SLC2A11: variants seen among roughly 807,000 people sequenced by gnomAD.
The protein encoded by SLC2A11 is solute carrier family 2 member 11.
In SLC2A11, 43 loss-of-function variants were observed where a neutral mutation model predicts 52.1. That is an observed-to-expected ratio of 0.82 (90% CI 0.65 to 1.06). The LOEUF (loss-of-function observed/expected upper bound fraction) is 1.06, where lower values mean the gene tolerates loss of function less well. SLC2A11 is among the 50% of genes least tolerant of loss of function. The pLI, the probability that SLC2A11 is intolerant of heterozygous loss-of-function variation, is 0.00. For synonymous variants in SLC2A11, 261 were observed against 277.6 expected (o/e 0.94, Z 0.59); for missense variants, 582 against 654.2 (o/e 0.89, Z 1.20).
At chr22:23,873,533 C>T (rs145607359) in intron 3 of SLC2A11, among the ~76,000 whole-genome samples, 1,579 of 152,222 alleles carry the variant, frequency 0.01, 31 homozygotes, top group African/African-American at 0.036. Context: ...TGGTCTCGAA[C>T]TTCTGACCTC....
chr22:23,877,612 C>G, intron 5 of SLC2A11, 109 bp from the exon 6 acceptor site: 1 of 1,368,060 alleles, frequency 7.3e-7, no homozygotes, highest in South Asian at 1.3e-5. Flanking sequence ...GGAAGAGGCA[C>G]GGGGCAATTG....
At chr22:23,867,979 A>G (rs1484547541) in intron 2 of SLC2A11, 1 of 326,620 alleles carries the variant, frequency 3.1e-6, no homozygotes, top group Non-Finnish European at 6.2e-6. Flanking sequence ...AGGAATCCCC[A>G]ATTGATGGCC....
At position 23,877,089 on chromosome 22, in the gene SLC2A11, A is replaced by T; in HGVS notation, c.463A>T (p.Lys155Ter). The T allele has an allele frequency of 6.2e-7, 1 of 1,613,918 alleles. No individual in the cohort carries two copies. Among genetic ancestry groups the T allele is most frequent in the Middle Eastern group, 1.7e-4 (1 of 6,060 alleles). The part of the protein sequence containing the change: ...QPMYLGESAP[K>*]ELRGAVAMSS... ...CATGTACCTGGGGGAGAGCGCCCCT[A>T]AGGAGCTCCGAGGAGCTGTGGCCAT... The change falls in exon 5 of 12, where the codon AAG becomes TAG. Residue 155 changes from lysine (K) to a stop codon, truncating the protein, a stop_gained. Transcript: ENST00000316185. LOFTEE classifies it high-confidence loss of function.
intron 6 of SLC2A11, chr22:23,881,164 C>T (rs989337421): frequency 2.0e-5 from 3 of 151,474 alleles, no homozygotes; most frequent in Non-Finnish European, 2.9e-5. Context: ...TTAGCCTAAG[C>T]CTCTAAGTCC....
intron 6 of SLC2A11, chr22:23,881,322 G>GTC (rs34323650): frequency 0.53 from 80,067 of 151,232 alleles, 21,345 homozygotes; most frequent in South Asian, 0.57. Context: ...GGCTGTCCAT[G>GTC]TCTTGTCATC....
rs1012760872 is a variant in SLC2A11, at chr22:23,857,962, C to T, written c.-38C>T. 8.8e-6 allele frequency: 14 copies of T among 1,591,268 alleles called. No individual in the cohort carries two copies. Among genetic ancestry groups the T allele is most frequent in the Non-Finnish European group, 1.0e-5 (12 of 1,170,712 alleles). On this transcript the variant is annotated 5_prime_UTR_variant, in exon 1 of 12. Transcript: ENST00000316185. ...CTTGCTAATGGCAGCCGGGGTCTCC[C>T]TGGGACAGCAAGACCTCCGCTCAGG... is the stretch of plus-strand genomic sequence containing the variant.
intron 3 of SLC2A11, among the ~76,000 whole-genome samples, chr22:23,874,427 CA>C (rs1379519037): frequency 1.3e-5 from 2 of 151,680 alleles, no homozygotes; most frequent in Non-Finnish European, 2.9e-5. Flanking sequence ...GCTGAAATTA[CA>C]GGCGTGCGCC....
At position 23,883,840 on chromosome 22, in the gene SLC2A11, G is replaced by A. The variant is rs756565456; in HGVS notation, c.1062G>A (p.Trp354Ter). ...GTGGGTACAGCCTGATGACCTGCTG[G>A]GGGAGCATCTTCACTGTGGCCCTGT... Reference protein sequence around the residue: ...LIGGYSLMTCWGSIFTVALCL... With the variant: ...LIGGYSLMTC Residue 354 changes from tryptophan (W) to a stop codon, truncating the protein, a stop_gained, in exon 9 of 12, where the codon TGG becomes TGA. Coordinates refer to ENST00000316185, the MANE Select transcript of SLC2A11 (RefSeq NM_001024939.4). LOFTEE classifies it high-confidence loss of function. The A allele has an allele frequency of 6.3e-7, 1 of 1,590,178 alleles. No individual in the cohort carries two copies. The highest frequency in any genetic ancestry group is 1.4e-5 in the African/African-American group (1 of 73,454).
At chr22:23,857,566 G>A (rs375304139), upstream of SLC2A11, 54 of 1,565,992 alleles carry the variant, frequency 3.4e-5, 1 homozygote, top group African/African-American at 6.8e-4. Context: ...ACCCCGCGGC[G>A]GTGACCCCAA....
chr22:23,857,061 A>AGTGT (rs764562970), upstream of SLC2A11: 39 of 486,876 alleles, frequency 8.0e-5, no homozygotes, highest in Middle Eastern at 3.3e-4. Flanking sequence ...CCTGAACCAA[A>AGTGT]GTGTGTGTGT....
intron 3 of SLC2A11, among the ~76,000 whole-genome samples, chr22:23,874,221 T>G (rs2032544388): frequency 1.3e-5 from 2 of 152,230 alleles, no homozygotes; most frequent in African/African-American, 4.8e-5. Context: ...CGTCTCTTCC[T>G]TCACTCTTAA....
At chr22:23,877,666 G>A in intron 5 of SLC2A11, 55 bp from the exon 6 acceptor site, 2 of 1,512,220 alleles carry the variant, frequency 1.3e-6, no homozygotes, top group African/African-American at 2.8e-5. Flanking sequence ...GGAGAGCAGG[G>A]TGGTAGGACT....
intron 1 of SLC2A11, among the ~76,000 whole-genome samples, chr22:23,859,497 T>C (rs1486235799): frequency 6.6e-6 from 1 of 152,154 alleles, no homozygotes; most frequent in Non-Finnish European, 1.5e-5. Context: ...TCAGCATTTT[T>C]TTTTTTTTGA....
At chr22:23,880,523 C>T (rs2236620) in intron 6 of SLC2A11, 51,501 of 151,906 alleles carry the variant, frequency 0.34, 9,288 homozygotes, top group South Asian at 0.47. Context: ...CGTGAATCAA[C>T]GCCCTCAAGC....
At chr22:23,883,909 C>A in intron 9 of SLC2A11, 36 bp downstream of exon 9, 1 of 1,610,206 alleles carries the variant, frequency 6.2e-7, no homozygotes, top group Non-Finnish European at 8.5e-7. Context: ...GGGTCCAGGC[C>A]GGGCTGACTT....
intron 1 of SLC2A11, chr22:23,858,250 C>A: frequency 2.8e-6 from 2 of 714,902 alleles, no homozygotes; most frequent in South Asian, 3.1e-5. Flanking sequence ...GGTTGCTGGA[C>A]CCTGGCATCC....
chr22:23,857,059 A>T, upstream of SLC2A11: 2 of 597,724 alleles, frequency 3.3e-6, no homozygotes. Flanking sequence ...TACCTGAACC[A>T]AAGTGTGTGT....
In SLC2A11 at chr22:23,877,794, G is replaced by A. The variant is rs370970280; in HGVS notation, c.619G>A (p.Ala207Thr). The change falls in exon 6 of 12, where the codon GCC (alanine) becomes ACC (threonine). Residue 207 changes from alanine to threonine, a missense_variant. Coordinates refer to ENST00000316185, the MANE Select transcript of SLC2A11 (RefSeq NM_001024939.4). ...CCTGGTGCCCGGGGCGCTCCAGCTCGCCTCCCTGCCTCTGCTCCCTGAAAG... is the reference window on the plus strand; with the variant it reads ...CCTGGTGCCCGGGGCGCTCCAGCTCACCTCCCTGCCTCTGCTCCCTGAAAG... The part of the protein sequence containing the change: ...SCLVPGALQL[A>T]SLPLLPESPR... 45 of 1,611,082 alleles carry A rather than the reference G, an allele frequency of 2.8e-5. No homozygotes were observed. The African/African-American group carries it at 3.5e-4, about 12-fold the overall frequency.
At chr22:23,857,266 G>C (rs1394214353), upstream of SLC2A11, 2 of 761,980 alleles carry the variant, frequency 2.6e-6, no homozygotes, top group Non-Finnish European at 4.3e-6. Flanking sequence ...TTAGTCCAGA[G>C]ACTGTAGCAA....
Sources: allele counts gnomAD v4.1 joint callset (sites outside exome capture counted in the v4.1 genomes callset), GRCh38; gene constraint gnomAD v4.1.1; transcripts MANE v1.5; gene names NCBI Gene and HGNC (gene_info 2026-07-23, HGNC 2026-07-21).